The following AUTS2 variants were observed in gnomAD, a reference collection of about 807,000 sequenced individuals.
AUTS2 encodes activator of transcription and developmental regulator AUTS2.
Under a neutral mutation model 112.4 loss-of-function variants are expected in AUTS2, and 17 were observed. The ratio of observed to expected loss-of-function variants is 0.15; its 90% CI spans 0.10 to 0.23. The LOEUF is 0.23. AUTS2 is among the 10% of genes least tolerant of loss of function. The pLI, the probability that AUTS2 is intolerant of heterozygous loss-of-function variation, is 1.00. For missense variants in AUTS2, 1,510 were observed against 1,701.6 expected, an observed-to-expected ratio of 0.89 and a Z score of 1.98; for synonymous variants, 751 against 702.7, an observed-to-expected ratio of 1.07 and a Z score of -1.09.
intron 5 of AUTS2, among the ~76,000 whole-genome samples, chr7:70,679,005 T>C (rs909206838): frequency 6.6e-6 from 1 of 152,138 alleles, no homozygotes; most frequent in African/African-American, 2.4e-5. Flanking sequence ...AGAGTTTCCT[T>C]TCCCTCACAC....
intron 12 of AUTS2, 132 bp from the exon 13 acceptor site, chr7:70,775,225 T>A (rs1790610430): frequency 2.5e-6 from 2 of 796,774 alleles, no homozygotes; most frequent in Non-Finnish European, 4.1e-6. Context: ...AATTATTCTC[T>A]AAAAGGGCTT....
At chr7:70,055,662 C>T (rs1801959901) in intron 2 of AUTS2, among the ~76,000 whole-genome samples, 1 of 152,142 alleles carries the variant, frequency 6.6e-6, no homozygotes, top group Non-Finnish European at 1.5e-5. Context: ...TTTTTCCCTT[C>T]TGAAGGTTAA....
chr7:69,712,611 A>C (rs1798381924), intron 1 of AUTS2, among the ~76,000 whole-genome samples: 2 of 152,098 alleles, frequency 1.3e-5, no homozygotes, highest in Non-Finnish European at 2.9e-5. Context: ...AAGTTTGTTT[A>C]TCTATTTTTA....
chr7:70,472,904 T>C (rs1368378925), intron 5 of AUTS2, among the ~76,000 whole-genome samples: 5 of 152,210 alleles, frequency 3.3e-5, no homozygotes, highest in Admixed American at 3.3e-4. Flanking sequence ...TAAATTTCTA[T>C]CACCAGAAGT....
At chr7:70,379,228 G>A (rs775007814) in intron 4 of AUTS2, among the ~76,000 whole-genome samples, 15 of 152,086 alleles carry the variant, frequency 9.9e-5, no homozygotes, top group Admixed American at 2.0e-4. Flanking sequence ...GGGCGGGCAC[G>A]GTGGCTCACG....
intron 5 of AUTS2, among the ~76,000 whole-genome samples, chr7:70,481,222 GT>G (rs1198446011): frequency 2.6e-4 from 40 of 152,132 alleles, no homozygotes; most frequent in African/African-American, 9.4e-4. Flanking sequence ...CAGATTGCAG[GT>G]TTGCTTAGAA....
intron 4 of AUTS2, among the ~76,000 whole-genome samples, chr7:70,264,347 A>G (rs1488054044): frequency 1.3e-5 from 2 of 152,086 alleles, no homozygotes. Flanking sequence ...AGCTGTGACT[A>G]CAGGCATGCA....
intron 1 of AUTS2, among the ~76,000 whole-genome samples, chr7:69,612,515 A>G (rs992156711): frequency 5.3e-5 from 8 of 151,986 alleles, no homozygotes; most frequent in Non-Finnish European, 8.8e-5. Context: ...GCTGGAGTAC[A>G]GTGGCGCAGT....
At chr7:70,195,089 A>G (rs897343803) in intron 4 of AUTS2, among the ~76,000 whole-genome samples, 4 of 152,176 alleles carry the variant, frequency 2.6e-5, no homozygotes, top group Non-Finnish European at 5.9e-5. Flanking sequence ...TATACATAAT[A>G]TTTTTAAGAA....
chr7:70,737,517 T>C (rs1787842855), intron 6 of AUTS2, among the ~76,000 whole-genome samples: 2 of 152,230 alleles, frequency 1.3e-5, no homozygotes, highest in Admixed American at 6.5e-5. Flanking sequence ...TTATTTAATG[T>C]CTGTGATTTT....
At chr7:69,668,154 C>G (rs535226162) in intron 1 of AUTS2, among the ~76,000 whole-genome samples, 1 of 152,006 alleles carries the variant, frequency 6.6e-6, no homozygotes, top group African/African-American at 2.4e-5. Context: ...CCAGATATTC[C>G]CTGTTGTTGG....
intron 2 of AUTS2, among the ~76,000 whole-genome samples, chr7:70,006,989 C>G (rs1314670420): frequency 6.6e-6 from 1 of 152,042 alleles, no homozygotes; most frequent in Admixed American, 6.6e-5. Flanking sequence ...GTTCGTATCC[C>G]TAGGTTTTCG....
In AUTS2 at chr7:70,029,360, C is replaced by T. The variant is rs182095450; in HGVS notation, c.523-88772C>T. ...GTTTTTTATTTTTAAGGGTACCTAT[C>T]ACAGTCTGCTTCCCCCTTTTCAGAT... On this transcript the variant is annotated intron_variant, in intron 2 of 18. Transcript: ENST00000342771. Among the ~76,000 whole-genome samples, 16 of 150,632 alleles carry T rather than the reference C, an allele frequency of 1.1e-4. No homozygotes were observed. The East Asian group carries it at 3.1e-3, about 30-fold the overall frequency.
intron 1 of AUTS2, among the ~76,000 whole-genome samples, chr7:69,847,619 C>T (rs959509075): frequency 3.3e-5 from 5 of 152,094 alleles, no homozygotes; most frequent in African/African-American, 1.2e-4. Context: ...AAGGCCGGTG[C>T]CCCTGGAATG....
At chr7:70,565,905 A>G (rs1801689901) in intron 5 of AUTS2, among the ~76,000 whole-genome samples, 1 of 152,242 alleles carries the variant, frequency 6.6e-6, no homozygotes, top group Non-Finnish European at 1.5e-5. Context: ...AGCTTGATAC[A>G]TACTGTACAC....
chr7:69,849,714 A>T (rs1351302767), intron 1 of AUTS2, among the ~76,000 whole-genome samples: 4 of 152,104 alleles, frequency 2.6e-5, no homozygotes, highest in Non-Finnish European at 5.9e-5. Flanking sequence ...TTTGAGGTTG[A>T]CTTTTTAAAC....
At chr7:69,840,654 A>G (rs538439930) in intron 1 of AUTS2, among the ~76,000 whole-genome samples, 4 of 152,340 alleles carry the variant, frequency 2.6e-5, no homozygotes, top group South Asian at 4.1e-4. Flanking sequence ...TCTTGAACTC[A>G]TAGTGATGAG....
At chr7:69,935,746 A>G (rs924576298) in intron 2 of AUTS2, among the ~76,000 whole-genome samples, 1 of 152,200 alleles carries the variant, frequency 6.6e-6, no homozygotes, top group African/African-American at 2.4e-5. Flanking sequence ...AGTAAATTTC[A>G]GTGTGAAGTT....
chr7:70,395,790 T>C (rs1562933464), intron 4 of AUTS2, among the ~76,000 whole-genome samples: 5 of 152,188 alleles, frequency 3.3e-5, no homozygotes, highest in Non-Finnish European at 1.5e-5. Flanking sequence ...TCCCAACTCT[T>C]TAACTAGCTG....
Sources: allele counts gnomAD v4.1 joint callset (sites outside exome capture counted in the v4.1 genomes callset), GRCh38; gene constraint gnomAD v4.1.1; transcripts MANE v1.5; gene names NCBI Gene and HGNC (gene_info 2026-07-23, HGNC 2026-07-21).